Variants in DCLRE1A observed in about 807,000 individuals in gnomAD.
The protein encoded by DCLRE1A is DNA cross-link repair 1A protein.
Under a neutral mutation model 91.9 loss-of-function variants are expected in DCLRE1A, and 64 were observed. That is an observed-to-expected ratio of 0.70 (90% CI 0.57 to 0.86). The LOEUF (loss-of-function observed/expected upper bound fraction) is 0.86, where lower values mean the gene tolerates loss of function less well. Among genes scored for constraint, DCLRE1A ranks in the 40% least tolerant of loss-of-function variants. The probability of loss-of-function intolerance (pLI) is 0.00; values close to 1 mark genes in which losing one functional copy is unlikely to be tolerated. For synonymous variants in DCLRE1A, 416 were observed against 431.1 expected (o/e 0.96, Z 0.43); for missense variants, 1,145 against 1,213.3 (o/e 0.94, Z 0.84).
chr10:113,839,222 G>C (rs10787507), intron 7 of DCLRE1A, among the ~76,000 whole-genome samples: 102,182 of 150,890 alleles, frequency 0.68, 36,858 homozygotes, highest in East Asian at 0.84. Flanking sequence ...CTACTCGGGA[G>C]GCTGAGGCAG....
rs1564846981 is a variant in DCLRE1A at position 113,853,008 on chromosome 10, C to T, written c.175G>A (p.Glu59Lys). The T allele has an allele frequency of 1.9e-6, 3 of 1,614,028 alleles. No homozygotes were observed. Among genetic ancestry groups the T allele is most frequent in the Non-Finnish European group, 1.7e-6 (2 of 1,180,006 alleles). The change falls in exon 1 of 9, where the codon GAG becomes AAG. Residue 59 changes from glutamate (E) to lysine (K), a missense_variant. By Grantham distance (56) the Glu-to-Lys change is moderately conservative. Transcript: ENST00000361384. Reference sequence around the variant, plus strand: ...AGGGGCACTTCATGGTCCTTCACCTCTTTAGCTTCTGCGGCTCTTTTTCTG... The same window carrying T: ...AGGGGCACTTCATGGTCCTTCACCTTTTTAGCTTCTGCGGCTCTTTTTCTG... ...RNRKRAAEAK[E>K]VKDHEVPLGN...
At position 113,837,232 on chromosome 10, in the gene DCLRE1A, C is replaced by T. The variant is rs763111355; in HGVS notation, c.2821-29G>A. On this transcript the variant is annotated intron_variant, in intron 7 of 8. Coordinates refer to ENST00000361384, the MANE Select transcript of DCLRE1A (RefSeq NM_014881.5). ...TTAAATTAAAATAGCATATTGAGGTCAATGGAGACGAGTTATATGGAATAA... is the reference window on the plus strand; with the variant it reads ...TTAAATTAAAATAGCATATTGAGGTTAATGGAGACGAGTTATATGGAATAA... 3.8e-6 allele frequency: 6 copies of T among 1,591,930 alleles called. No individual in the cohort carries two copies. In the East Asian group the frequency reaches 1.1e-4, roughly 30 times the overall value.
Position 113,844,338 on chromosome 10 carries a change from A to T in DCLRE1A, c.2379-94T>A, listed in dbSNP as rs1350410875. 5 of 1,490,782 alleles carry T rather than the reference A, an allele frequency of 3.4e-6. No individual in the cohort carries two copies. In the Admixed American group the frequency reaches 6.0e-5, roughly 18 times the overall value. 92.3% of individuals were successfully genotyped at this position (1,490,782 alleles called of 1,614,324 possible). ...TATCAACAAGTTAGCACGCTTTATTAGCTGACCACAATGACATAGCATTGC... is the reference window on the plus strand; with the variant it reads ...TATCAACAAGTTAGCACGCTTTATTTGCTGACCACAATGACATAGCATTGC... On this transcript the variant is annotated intron_variant, in intron 4 of 8. Coordinates refer to ENST00000361384, the MANE Select transcript of DCLRE1A (RefSeq NM_014881.5).
intron 3 of DCLRE1A, among the ~76,000 whole-genome samples, 178 bp downstream of exon 3, chr10:113,847,024 A>G (rs1468771657): frequency 1.3e-5 from 2 of 152,208 alleles, no homozygotes. Context: ...GATGTTTTCT[A>G]AAAACTGAAA....
intron 7 of DCLRE1A, among the ~76,000 whole-genome samples, chr10:113,837,825 T>C (rs1305730634): frequency 6.6e-6 from 1 of 152,158 alleles, no homozygotes; most frequent in Non-Finnish European, 1.5e-5. Context: ...ACTAAAGTAA[T>C]CATAAATGAT....
chr10:113,841,303 G>T, intron 7 of DCLRE1A, 103 bp downstream of exon 7: 2 of 1,339,878 alleles, frequency 1.5e-6, no homozygotes, highest in East Asian at 2.5e-5. Context: ...ATTTTACTAT[G>T]GGTGACTCTA....
In DCLRE1A at chr10:113,853,680, C is replaced by T. The variant is rs1235419077; in HGVS notation, c.-498G>A. 2 of 152,866 alleles carry T rather than the reference C, an allele frequency of 1.3e-5. No individual in the cohort carries two copies. Among genetic ancestry groups the T allele is most frequent in the Non-Finnish European group, 2.9e-5 (2 of 68,656 alleles). The allele number at this position is 152,866 out of a possible 1,614,324, so 9.5% of individuals were successfully genotyped here. On this transcript the variant is annotated 5_prime_UTR_variant, in exon 1 of 9. Coordinates refer to ENST00000361384, the MANE Select transcript of DCLRE1A (RefSeq NM_014881.5). ...CTGGACAAAGGGCTTAACAGGTATCCCAAACACTAAATGACTATCTAACAA... is the reference window on the plus strand; with the variant it reads ...CTGGACAAAGGGCTTAACAGGTATCTCAAACACTAAATGACTATCTAACAA...
At chr10:113,843,351 T>C (rs1234782367) in intron 5 of DCLRE1A, among the ~76,000 whole-genome samples, 1 of 152,050 alleles carries the variant, frequency 6.6e-6, no homozygotes, top group East Asian at 1.9e-4. Context: ...CAAAAAAGGG[T>C]TTTTTTAAAA....
chr10:113,853,200 A>G lies in DCLRE1A; in HGVS notation c.-18T>C. 3.3e-6 allele frequency: 5 copies of G among 1,513,900 alleles called. No homozygotes were observed. Among genetic ancestry groups the G allele is most frequent in the Non-Finnish European group, 2.6e-6 (3 of 1,138,784 alleles). 93.8% of individuals were successfully genotyped at this position (1,513,900 alleles called of 1,614,324 possible). On this transcript the variant is annotated 5_prime_UTR_variant, in exon 1 of 9. It removes an upstream start codon present in the reference 5' UTR. Coordinates refer to ENST00000361384, the MANE Select transcript of DCLRE1A (RefSeq NM_014881.5). ...TCTAACATGGCAAAATGATTTTATC[A>G]TTCAAGAAGTATTAATCTTAAGTAA...
intron 2 of DCLRE1A, among the ~76,000 whole-genome samples, chr10:113,847,883 G>A (rs1031088873): frequency 2.0e-5 from 3 of 152,214 alleles, no homozygotes; most frequent in Admixed American, 1.3e-4. Flanking sequence ...TAATGAAGAA[G>A]AGGTTGAGAA....
At chr10:113,841,691 T>G in intron 6 of DCLRE1A, 131 bp from the exon 7 acceptor site, 1 of 900,362 alleles carries the variant, frequency 1.1e-6, no homozygotes, top group Non-Finnish European at 1.6e-6. Context: ...TTTACCATGA[T>G]ATCTCAAAAA....
At chr10:113,846,530 A>C (rs372353230) in intron 3 of DCLRE1A, among the ~76,000 whole-genome samples, 3 of 152,082 alleles carry the variant, frequency 2.0e-5, no homozygotes, top group Non-Finnish European at 4.4e-5. Flanking sequence ...TTATGATACC[A>C]ATCCCAATAT....
At chr10:113,847,682 C>T (rs375160537) in intron 2 of DCLRE1A, among the ~76,000 whole-genome samples, 4 of 152,240 alleles carry the variant, frequency 2.6e-5, no homozygotes, top group African/African-American at 9.6e-5. Flanking sequence ...TGCTAACTTT[C>T]TTCTAAAACA....
At chr10:113,844,355 T>G in intron 4 of DCLRE1A, 111 bp from the exon 5 acceptor site, 1 of 1,380,418 alleles carries the variant, frequency 7.2e-7, no homozygotes, top group Non-Finnish European at 9.8e-7. Context: ...CACAATGACA[T>G]AGCATTGCAC....
rs1353803102 is a variant in DCLRE1A, at chr10:113,849,866, T to C, written c.1239A>G (p.Ala413=). ...TGGDFVLFPP[A]LAGKLAASVH... ...CAGAAGCAGCAAGCTTCCCTGCCAATGCAGGTGGAAACAACACAAAATCAC... is the reference window on the plus strand; with the variant it reads ...CAGAAGCAGCAAGCTTCCCTGCCAACGCAGGTGGAAACAACACAAAATCAC... The change falls in exon 2 of 9, where the codon GCA becomes GCG. Residue 413 remains alanine, a synonymous_variant. Transcript: ENST00000361384. 6.2e-7 allele frequency: 1 copy of C among 1,613,894 alleles called. No individual in the cohort carries two copies. The highest frequency in any genetic ancestry group is 8.5e-7 in the Non-Finnish European group (1 of 1,180,036).
rs1369018982 is a variant in DCLRE1A at position 113,845,768 on chromosome 10, C to G, written c.2295G>C (p.Val765=). 4.3e-6 allele frequency: 7 copies of G among 1,613,982 alleles called. No individual in the cohort carries two copies. In the South Asian group the frequency reaches 6.6e-5, roughly 15 times the overall value. Residue 765 remains valine, a synonymous_variant, in exon 4 of 9, where the codon GTG becomes GTC. Coordinates refer to ENST00000361384, the MANE Select transcript of DCLRE1A (RefSeq NM_014881.5). ...TGNLLKNKLH[V]QEQYIHPLPL... ...GCAATGGGTGAATATATTGTTCTTG[C>G]ACATGAAGCTTGTTCTTCAACAAAT...
At chr10:113,841,826 G>A (rs755156928) in intron 6 of DCLRE1A, among the ~76,000 whole-genome samples, 6 of 152,160 alleles carry the variant, frequency 3.9e-5, no homozygotes, top group Non-Finnish European at 8.8e-5. Flanking sequence ...GGTAGAGGAA[G>A]GGAAGGAACT....
chr10:113,849,662 T>G lies in DCLRE1A; in HGVS notation c.1443A>C (p.Pro481=). The change falls in exon 2 of 9, where the codon CCA becomes CCC. Residue 481 remains proline, a synonymous_variant. Transcript: ENST00000361384. The part of the protein sequence containing the change: ...SQVEGYLSSQ[P]TQNTIRKLSS... ...ATAATTTTCTAATTGTATTTTGGGTTGGTTGGGAAGAAAGATACCCTTCTA... is the reference window on the plus strand; with the variant it reads ...ATAATTTTCTAATTGTATTTTGGGTGGGTTGGGAAGAAAGATACCCTTCTA... 1 of 1,614,200 alleles carries G rather than the reference T, an allele frequency of 6.2e-7. No individual in the cohort carries two copies. The highest frequency in any genetic ancestry group is 8.5e-7 in the Non-Finnish European group (1 of 1,180,024).
Position 113,850,002 on chromosome 10 carries a change from C to T in DCLRE1A, c.1103G>A (p.Arg368Gln), listed in dbSNP as rs34407062. 4,643 of 1,614,126 alleles carry T rather than the reference C, an allele frequency of 2.9e-3. 20 individuals are homozygous for T. Among genetic ancestry groups the T allele is most frequent in the South Asian group, 9.1e-3 (825 of 91,078 alleles). The change falls in exon 2 of 9, where the codon CGG becomes CAG. Residue 368 changes from arginine to glutamine, a missense_variant. Arg to Gln is a conservative substitution (Grantham distance 43, BLOSUM62 1). Coordinates refer to ENST00000361384, the MANE Select transcript of DCLRE1A (RefSeq NM_014881.5). ...ATACAATCCTTCATCATACTTATCC[C>T]GAGTTAAGAAGCTGTTCACTTTGGG... is the stretch of plus-strand genomic sequence containing the variant. The part of the protein sequence containing the change: ...SCPKVNSFLT[R>Q]DKYDEGLYRF...
Sources: allele counts gnomAD v4.1 joint callset (sites outside exome capture counted in the v4.1 genomes callset), GRCh38; gene constraint gnomAD v4.1.1; transcripts MANE v1.5; gene names NCBI Gene and HGNC (gene_info 2026-07-23, HGNC 2026-07-21).